The following CNKSR3 variants were observed in gnomAD, a reference collection of about 807,000 sequenced individuals.
The protein encoded by CNKSR3 is CNKSR family member 3.
CNKSR3 carries 36 observed loss-of-function variants against 67.7 expected under a neutral mutation model. That is an observed-to-expected ratio of 0.53 (90% confidence interval 0.41 to 0.70). The LOEUF is 0.70. CNKSR3 is among the 30% of genes least tolerant of loss of function. The pLI is 0.00. For missense variants in CNKSR3, 630 were observed against 695.2 expected (o/e 0.91, Z 1.05); for synonymous variants, 281 against 271.4 (o/e 1.04, Z -0.35).
At chr6:154,505,077 C>T (rs1309065564) in intron 1 of CNKSR3, among the ~76,000 whole-genome samples, 2 of 151,350 alleles carry the variant, frequency 1.3e-5, no homozygotes, top group African/African-American at 4.8e-5. Flanking sequence ...GCCTCCCTTT[C>T]CCAGGGACCA....
chr6:154,456,916 G>A (rs1393320601), intron 1 of CNKSR3, among the ~76,000 whole-genome samples: 3 of 152,026 alleles, frequency 2.0e-5, no homozygotes, highest in Non-Finnish European at 2.9e-5. Context: ...ACGGGGTTCA[G>A]GGGTAGGTCA....
chr6:154,485,422 A>G (rs1474430722), intron 1 of CNKSR3, among the ~76,000 whole-genome samples: 1 of 152,276 alleles, frequency 6.6e-6, no homozygotes, highest in Non-Finnish European at 1.5e-5. Context: ...TGTTCCAGAA[A>G]CAGGCACACA....
In CNKSR3 at chr6:154,405,909, C is replaced by CA. The variant is rs1273981054; in HGVS notation, c.*444dup. ...GGTAGATAGTTTAGAAAAATCAAAT[C>CA]AAAAATGTTTTCTCACTGGCTTTTT... On this transcript the variant is annotated 3_prime_UTR_variant, in exon 13 of 13. Coordinates refer to ENST00000607772, the MANE Select transcript of CNKSR3 (RefSeq NM_173515.4). 1 of 158,738 alleles carries CA rather than the reference C, an allele frequency of 6.3e-6. No individual in the cohort carries two copies. The highest frequency in any genetic ancestry group is 1.4e-5 in the Non-Finnish European group (1 of 72,174). 9.8% of individuals were successfully genotyped at this position (158,738 alleles called of 1,614,324 possible).
chr6:154,453,355 G>A (rs1476134978), intron 1 of CNKSR3, among the ~76,000 whole-genome samples: 1 of 152,198 alleles, frequency 6.6e-6, no homozygotes, highest in African/African-American at 2.4e-5. Context: ...GAGGAATGGT[G>A]AGAGTTCTAG....
At chr6:154,415,809 A>G (rs989186664) in intron 9 of CNKSR3, among the ~76,000 whole-genome samples, 2 of 152,230 alleles carry the variant, frequency 1.3e-5, no homozygotes, top group Non-Finnish European at 2.9e-5. Flanking sequence ...ACTGGTCTCA[A>G]AGGACATGGT....
At chr6:154,415,815 A>G (rs1296149967) in intron 9 of CNKSR3, among the ~76,000 whole-genome samples, 2 of 152,234 alleles carry the variant, frequency 1.3e-5, no homozygotes, top group African/African-American at 2.4e-5. Flanking sequence ...CTCAAAGGAC[A>G]TGGTTTTTAA....
chr6:154,406,634 C>T lies in CNKSR3; in HGVS notation c.1388G>A (p.Arg463Gln), dbSNP rs760907490. The change falls in exon 13 of 13, where the codon CGG becomes CAG. Residue 463 changes from arginine to glutamine, a missense_variant. This residue lies in a region of CNKSR3 where 308 missense variants were observed against 299.6 expected (regional missense o/e 1.03). Transcript: ENST00000607772. ...HGRKGEDALC[R>Q]YFSNERIPPI... ...AGGAATCCGCTCGTTACTGAAATAC[C>T]GGCAAAGGGCATCCTCCCCTGTTTC... is the stretch of plus-strand genomic sequence containing the variant. The T allele has an allele frequency of 3.1e-6, 5 of 1,612,404 alleles. No individual in the cohort carries two copies. The highest frequency in any genetic ancestry group is 1.7e-5 in the Admixed American group (1 of 59,944).
At chr6:154,505,069 C>T (rs777766935) in intron 1 of CNKSR3, among the ~76,000 whole-genome samples, 1 of 151,262 alleles carries the variant, frequency 6.6e-6, no homozygotes, top group Non-Finnish European at 1.5e-5. Context: ...ACAAAAAGGC[C>T]TCCCTTTCCC....
At chr6:154,451,485 A>G (rs900801073) in intron 1 of CNKSR3, among the ~76,000 whole-genome samples, 13 of 58,152 alleles carry the variant, frequency 2.2e-4, no homozygotes, top group African/African-American at 9.2e-4. Flanking sequence ...ACACACACAC[A>G]CGCACACACG....
chr6:154,429,986 A>G (rs1240604012), intron 6 of CNKSR3, among the ~76,000 whole-genome samples: 1 of 152,130 alleles, frequency 6.6e-6, no homozygotes, highest in Non-Finnish European at 1.5e-5. Flanking sequence ...AATTAATCCC[A>G]TAAGATGCAC....
At chr6:154,435,947 A>G (rs1785462546) in intron 4 of CNKSR3, among the ~76,000 whole-genome samples, 1 of 152,254 alleles carries the variant, frequency 6.6e-6, no homozygotes, top group Non-Finnish European at 1.5e-5. Context: ...GTGTGAATGC[A>G]CACCTGCTGA....
chr6:154,487,598 C>T (rs1409211689), intron 1 of CNKSR3, among the ~76,000 whole-genome samples: 5 of 152,198 alleles, frequency 3.3e-5, no homozygotes, highest in Admixed American at 1.3e-4. Context: ...ACTGATTTAT[C>T]CAGCCCCAAC....
At chr6:154,482,005 C>T (rs768185384) in intron 1 of CNKSR3, among the ~76,000 whole-genome samples, 7 of 152,130 alleles carry the variant, frequency 4.6e-5, no homozygotes, top group Admixed American at 6.6e-5. Context: ...AATTATCTGC[C>T]CCGTGACCCC....
In CNKSR3 at chr6:154,391,521, T is replaced by C. The variant is rs13204713; in HGVS notation, c.*14833A>G. ...GTGCTGGGATTACAGGCGTGAGCAA[T>C]CAGGCCCAGCCTGAATCACTTCTTT... On this transcript the variant is annotated 3_prime_UTR_variant, in exon 13 of 13. Coordinates refer to ENST00000607772, the MANE Select transcript of CNKSR3 (RefSeq NM_173515.4). The C allele has an allele frequency of 0.11, 16,350 of 152,418 alleles. 1,181 individuals carry two copies. The highest frequency in any genetic ancestry group is 0.24 in the Admixed American group (3,676 of 15,286). The allele number at this position is 152,418 out of a possible 1,614,324, so 9.4% of individuals were successfully genotyped here.
At chr6:154,500,287 AC>A (rs35384935) in intron 1 of CNKSR3, among the ~76,000 whole-genome samples, 1 of 151,476 alleles carries the variant, frequency 6.6e-6, no homozygotes, top group Non-Finnish European at 1.5e-5. Flanking sequence ...ACACACACAC[AC>A]ATCCACTCCC....
chr6:154,486,001 A>G (rs185151307), intron 1 of CNKSR3, among the ~76,000 whole-genome samples: 184 of 152,328 alleles, frequency 1.2e-3, no homozygotes, highest in African/African-American at 4.1e-3. Flanking sequence ...GGACACACCC[A>G]TGTATTACTG....
At chr6:154,468,399 C>CAT (rs1306656576) in intron 1 of CNKSR3, among the ~76,000 whole-genome samples, 5 of 136,170 alleles carry the variant, frequency 3.7e-5, no homozygotes, top group Non-Finnish European at 7.5e-5. Flanking sequence ...TTTATACACA[C>CAT]ACACACACAC....
chr6:154,488,684 T>C (rs985440872), intron 1 of CNKSR3, among the ~76,000 whole-genome samples: 9 of 152,148 alleles, frequency 5.9e-5, no homozygotes, highest in Admixed American at 5.2e-4. Context: ...CAATTTCAAA[T>C]TGCTAAAATA....
intron 12 of CNKSR3, among the ~76,000 whole-genome samples, chr6:154,407,893 A>AC (rs1422819106): frequency 6.6e-6 from 1 of 151,522 alleles, no homozygotes; most frequent in Non-Finnish European, 1.5e-5. Context: ...AAAAAAAAAA[A>AC]AACCTAAATT....
Sources: gnomAD v4.1 joint callset for allele counts (sites outside exome capture counted in the v4.1 genomes callset) on GRCh38, gnomAD v4.1.1 for gene constraint, gnomAD v4.1.1 regional missense constraint, MANE v1.5 for transcripts, NCBI Gene and HGNC (gene_info 2026-07-23, HGNC 2026-07-21) for gene names.